Variants in MARK3 observed in about 807,000 individuals in gnomAD.
The protein encoded by MARK3 is microtubule affinity regulating kinase 3, also known as MAP/microtubule affinity-regulating kinase 3.
A neutral mutation model predicts 90.1 loss-of-function variants in MARK3; 46 were observed. The ratio of observed to expected loss-of-function variants is 0.51; its 90% CI spans 0.40 to 0.65. The LOEUF (loss-of-function observed/expected upper bound fraction) is 0.65. Ranked by LOEUF, MARK3 falls within the 30% of genes least tolerant of loss-of-function variation. The pLI is 0.00. For synonymous variants in MARK3, 321 were observed against 332.6 expected (o/e 0.97, Z 0.38); for missense variants, 818 against 947.2 (o/e 0.86, Z 1.79).
intron 6 of MARK3, among the ~76,000 whole-genome samples, chr14:103,458,332 G>A (rs1228042577): frequency 1.3e-5 from 2 of 151,742 alleles, no homozygotes; most frequent in Non-Finnish European, 2.9e-5. Flanking sequence ...GATGGCAGGT[G>A]CCTGTAATCC....
chr14:103,492,221 G>C (rs1269401445), intron 15 of MARK3, among the ~76,000 whole-genome samples, 187 bp downstream of exon 15: 2 of 152,156 alleles, frequency 1.3e-5, no homozygotes, highest in African/African-American at 4.8e-5. Context: ...AGAGCTCAGA[G>C]TCTTCATAAC....
intron 9 of MARK3, 37 bp from the exon 10 acceptor site, chr14:103,466,306 C>A: frequency 6.9e-7 from 1 of 1,453,764 alleles, no homozygotes; most frequent in South Asian, 1.2e-5. Context: ...CAGAATATTT[C>A]ATTTTACTCT....
At position 103,481,822 on chromosome 14, in the gene MARK3, A is replaced by G. The variant is rs539570818; in HGVS notation, c.1586+1332A>G. On this transcript the variant is annotated intron_variant, in intron 14 of 17. Transcript: ENST00000429436. Reference sequence around the variant, plus strand: ...CACTCTGTCACCCAGGCTGGAGTGCAGTGGCCTGATCTCGGCTCACTGCAA... The same window carrying G: ...CACTCTGTCACCCAGGCTGGAGTGCGGTGGCCTGATCTCGGCTCACTGCAA... Among the ~76,000 whole-genome samples, 7 of 113,950 alleles carry G rather than the reference A, an allele frequency of 6.1e-5. No individual in the cohort carries two copies. The East Asian group carries it at 2.1e-3, about 34-fold the overall frequency. 74.8% of individuals were successfully genotyped at this position (113,950 alleles called of 152,430 possible).
intron 5 of MARK3, 43 bp downstream of exon 5, chr14:103,452,026 CT>C: frequency 1.5e-6 from 2 of 1,372,900 alleles, no homozygotes; most frequent in Non-Finnish European, 1.0e-6. Flanking sequence ...TTCTTTCTCC[CT>C]TTTAAAAAAA....
chr14:103,444,120 T>TTC (rs1188182156), intron 3 of MARK3, among the ~76,000 whole-genome samples: 2 of 124,388 alleles, frequency 1.6e-5, no homozygotes, highest in Non-Finnish European at 3.3e-5. Flanking sequence ...GAGACTAAAA[T>TTC]TCTCTCTCTC....
At chr14:103,419,161 G>A (rs1040582742) in intron 2 of MARK3, among the ~76,000 whole-genome samples, 6 of 151,958 alleles carry the variant, frequency 3.9e-5, no homozygotes, top group Non-Finnish European at 7.4e-5. Flanking sequence ...GCGTGGTGGC[G>A]GGCGCCTGTA....
intron 1 of MARK3, among the ~76,000 whole-genome samples, chr14:103,389,814 G>T (rs2090102476): frequency 6.6e-6 from 1 of 150,410 alleles, no homozygotes; most frequent in Non-Finnish European, 1.5e-5. Flanking sequence ...TGCGGTGGCG[G>T]GCACCTGTAA....
chr14:103,474,011 A>C (rs2093672411), intron 12 of MARK3, among the ~76,000 whole-genome samples: 1 of 148,930 alleles, frequency 6.7e-6, no homozygotes, highest in Admixed American at 6.8e-5. Flanking sequence ...CCTGGCTAAC[A>C]CTGTGAAACC....
chr14:103,398,187 C>A (rs571325174), intron 1 of MARK3, among the ~76,000 whole-genome samples: 1 of 152,256 alleles, frequency 6.6e-6, no homozygotes, highest in South Asian at 2.1e-4. Context: ...CATGCATGTC[C>A]CCTTATGGAG....
chr14:103,470,863 G>A lies in MARK3; in HGVS notation c.1264+2677G>A, dbSNP rs190944915. The stretch of plus-strand genomic sequence containing the variant: ...TTTAGGTGTGGACAGCTTTGATTTT[G>A]TACTAAAAATGATTACACTTGGCTT... On this transcript the variant is annotated intron_variant, in intron 12 of 17. Transcript: ENST00000429436. Among the ~76,000 whole-genome samples, 3 of 152,240 alleles carry A rather than the reference G, an allele frequency of 2.0e-5. No homozygotes were observed. In the East Asian group the frequency reaches 5.8e-4, roughly 29 times the overall value.
At chr14:103,486,315 G>A (rs2093928608) in intron 14 of MARK3, among the ~76,000 whole-genome samples, 2 of 151,946 alleles carry the variant, frequency 1.3e-5, no homozygotes, top group Non-Finnish European at 2.9e-5. Flanking sequence ...GGTACATGCC[G>A]GTAGTCCCAG....
intron 14 of MARK3, among the ~76,000 whole-genome samples, chr14:103,482,287 A>C (rs2093839566): frequency 6.6e-6 from 1 of 151,770 alleles, no homozygotes; most frequent in Non-Finnish European, 1.5e-5. Flanking sequence ...CTGGGAGGCC[A>C]AGGCAGGTGG....
In MARK3 at chr14:103,465,976, T is replaced by A. The variant is rs752508590; in HGVS notation, c.782T>A (p.Leu261Gln). The A allele has an allele frequency of 6.2e-7, 1 of 1,612,484 alleles. No homozygotes were observed. The highest frequency in any genetic ancestry group is 8.5e-7 in the Non-Finnish European group (1 of 1,179,484). Residue 261 changes from leucine (L) to glutamine (Q), a missense_variant, in exon 9 of 18, where the codon CTG becomes CAG. Leu to Gln is a moderately radical substitution (Grantham distance 113). Coordinates refer to ENST00000429436, the MANE Select transcript of MARK3 (RefSeq NM_001128918.3). ...TTCCTCTGTACCTCTCCAAAGGAAC[T>A]GAGAGAGAGAGTATTAAGAGGGAAA... ...LPFDGQNLKE[L>Q]RERVLRGKYR...
rs1444242795 is a variant in MARK3, at chr14:103,503,773, T to G, written c.*546T>G. ...AATTTATAGTTGTGAACATTGCTTG[T>G]GTGTGTTTTTCTAAGTAGATTCACA... On this transcript the variant is annotated 3_prime_UTR_variant, in exon 18 of 18. Transcript: ENST00000429436. The G allele has an allele frequency of 1.3e-5, 2 of 153,220 alleles. No homozygotes were observed. Among genetic ancestry groups the G allele is most frequent in the Non-Finnish European group, 2.9e-5 (2 of 68,490 alleles). 9.5% of individuals were successfully genotyped at this position (153,220 alleles called of 1,614,324 possible).
chr14:103,474,775 T>A (rs1400230535), intron 12 of MARK3, among the ~76,000 whole-genome samples: 1 of 151,392 alleles, frequency 6.6e-6, no homozygotes, highest in African/African-American at 2.4e-5. Flanking sequence ...AAAAAAAAAA[T>A]GTTTTAAGTA....
intron 15 of MARK3, 96 bp from the exon 16 acceptor site, chr14:103,498,406 T>G (rs1566946733): frequency 1.1e-6 from 1 of 926,526 alleles, no homozygotes; most frequent in Non-Finnish European, 1.5e-6. Flanking sequence ...CCTGCTTTGT[T>G]TTTTTTCTTT....
chr14:103,444,086 C>T (rs202010517), intron 3 of MARK3, among the ~76,000 whole-genome samples: 33 of 116,376 alleles, frequency 2.8e-4, no homozygotes, highest in African/African-American at 7.4e-4. Flanking sequence ...GTAAAATTGT[C>T]TTTTTTTTTT....
At chr14:103,431,158 G>A (rs1444602009) in intron 3 of MARK3, among the ~76,000 whole-genome samples, 1 of 152,142 alleles carries the variant, frequency 6.6e-6, no homozygotes, top group Admixed American at 6.5e-5. Flanking sequence ...TGGGATCTGA[G>A]TTCACTGCAG....
intron 2 of MARK3, among the ~76,000 whole-genome samples, chr14:103,421,373 T>A (rs2092214871): frequency 6.6e-6 from 1 of 152,224 alleles, no homozygotes; most frequent in Admixed American, 6.5e-5. Context: ...CAATGAGAAT[T>A]GACTGTAGCT....
Sources: allele counts gnomAD v4.1 joint callset (sites outside exome capture counted in the v4.1 genomes callset), GRCh38; gene constraint gnomAD v4.1.1; transcripts MANE v1.5; gene names NCBI Gene and HGNC (gene_info 2026-07-23, HGNC 2026-07-21).